Variants in AFF3 observed in about 807,000 individuals in gnomAD.
AFF3 encodes the protein AF4/FMR2 family member 3.
A neutral mutation model predicts 129.7 loss-of-function variants in AFF3; 32 were observed. The observed-to-expected ratio is 0.25, with a 90% CI of 0.19 to 0.33. The LOEUF (loss-of-function observed/expected upper bound fraction) is 0.33, where lower values mean the gene tolerates loss of function less well. Ranked by LOEUF, AFF3 falls within the 10% of genes least tolerant of loss-of-function variation. The probability of loss-of-function intolerance (pLI) is 1.00; values close to 1 mark genes in which losing one functional copy is unlikely to be tolerated. For missense variants in AFF3, 1,373 were observed against 1,592.0 expected (o/e 0.86, Z 2.34); for synonymous variants, 644 against 635.4 (o/e 1.01, Z -0.20).
intron 8 of AFF3, among the ~76,000 whole-genome samples, chr2:99,774,184 C>T (rs1461562418): frequency 1.3e-5 from 2 of 152,164 alleles, no homozygotes; most frequent in East Asian, 1.9e-4. Context: ...AGATTCAATG[C>T]TATTCCCATT....
intron 17 of AFF3, among the ~76,000 whole-genome samples, chr2:99,578,961 T>C (rs1342408017): frequency 3.9e-5 from 6 of 152,202 alleles, no homozygotes; most frequent in Non-Finnish European, 8.8e-5. Context: ...GTGATGCGGA[T>C]GCTGTAATCA....
At chr2:99,576,883 C>T (rs1677048070) in intron 18 of AFF3, among the ~76,000 whole-genome samples, 1 of 152,188 alleles carries the variant, frequency 6.6e-6, no homozygotes, top group African/African-American at 2.4e-5. Context: ...TAGTTGGCCA[C>T]CTGACTGTAC....
chr2:99,834,313 C>T (rs1688708950), intron 8 of AFF3, among the ~76,000 whole-genome samples: 2 of 152,220 alleles, frequency 1.3e-5, no homozygotes, highest in South Asian at 4.1e-4. Flanking sequence ...CTCTTCACTT[C>T]AGTTTCCTCA....
intron 8 of AFF3, among the ~76,000 whole-genome samples, chr2:99,764,139 C>T (rs1448925781): frequency 6.6e-6 from 1 of 152,210 alleles, no homozygotes; most frequent in Non-Finnish European, 1.5e-5. Context: ...CCACTTGCTC[C>T]TTGGTCTGTA....
intron 4 of AFF3, among the ~76,000 whole-genome samples, chr2:100,073,437 C>G (rs1340900705): frequency 6.6e-6 from 1 of 152,198 alleles, no homozygotes; most frequent in Non-Finnish European, 1.5e-5. Flanking sequence ...TCAGAGGGAA[C>G]CAGCCTTGCC....
At chr2:100,029,950 C>G (rs765064348) in intron 4 of AFF3, among the ~76,000 whole-genome samples, 14 of 151,872 alleles carry the variant, frequency 9.2e-5, no homozygotes, top group Non-Finnish European at 1.6e-4. Flanking sequence ...GCCTGTAGTC[C>G]CAGCTACTCA....
chr2:99,578,982 T>C (rs1677256492), intron 17 of AFF3, among the ~76,000 whole-genome samples: 1 of 152,232 alleles, frequency 6.6e-6, no homozygotes, highest in African/African-American at 2.4e-5. Flanking sequence ...CCCATGATCC[T>C]GGAACCACGC....
intron 8 of AFF3, among the ~76,000 whole-genome samples, chr2:99,792,810 A>G (rs1003816495): frequency 6.6e-6 from 1 of 152,194 alleles, no homozygotes; most frequent in Non-Finnish European, 1.5e-5. Flanking sequence ...CATTCCTGGA[A>G]TACTTTACTT....
intron 7 of AFF3, among the ~76,000 whole-genome samples, chr2:99,971,253 G>A (rs948355822): frequency 3.9e-5 from 6 of 152,042 alleles, no homozygotes; most frequent in Admixed American, 1.3e-4. Context: ...CCAGGTCTCC[G>A]TCCGCCAGGA....
intron 10 of AFF3, among the ~76,000 whole-genome samples, chr2:99,727,892 G>T (rs1449425306): frequency 6.6e-6 from 1 of 152,130 alleles, no homozygotes; most frequent in African/African-American, 2.4e-5. Context: ...GAACACTGAG[G>T]TTGCACTGTA....
chr2:99,649,886 C>T (rs1685074686), intron 12 of AFF3, among the ~76,000 whole-genome samples: 1 of 152,158 alleles, frequency 6.6e-6, no homozygotes, highest in Admixed American at 6.5e-5. Context: ...CGGCAATGCA[C>T]ACCTGCAACT....
intron 15 of AFF3, among the ~76,000 whole-genome samples, chr2:99,588,750 T>G (rs1420635843): frequency 6.6e-6 from 1 of 152,140 alleles, no homozygotes; most frequent in Non-Finnish European, 1.5e-5. Context: ...TTCTTAGTCC[T>G]TAGCTCCAGG....
At chr2:99,901,888 A>AAGAAAACCT (rs1467612273) in intron 7 of AFF3, among the ~76,000 whole-genome samples, 1 of 151,982 alleles carries the variant, frequency 6.6e-6, no homozygotes. Flanking sequence ...CACAGCTAAG[A>AAGAAAACCT]AGGCATTTCA....
Position 100,007,622 on chromosome 2 carries a change from G to A in AFF3, c.175-162C>T, listed in dbSNP as rs1370566137. The stretch of plus-strand genomic sequence containing the variant: ...TTATCGTCTCTGAAGATGTCTGTCA[G>A]CACTTGGTGATGCACCAGAACAGGA... On this transcript the variant is annotated intron_variant, in intron 5 of 24. Coordinates refer to ENST00000672756, the MANE Select transcript of AFF3 (RefSeq NM_001386135.1). 1.9e-5 allele frequency: 13 copies of A among 683,266 alleles called. 2 individuals carry two copies. Among genetic ancestry groups the A allele is most frequent in the South Asian group, 1.7e-4 (9 of 52,754 alleles). The allele number at this position is 683,266 out of a possible 1,614,324, so 42.3% of individuals were successfully genotyped here. A position where few individuals can be genotyped will look rare whatever the true frequency, so the allele number is the denominator to read the frequency against.
intron 12 of AFF3, among the ~76,000 whole-genome samples, chr2:99,663,762 G>A (rs919025958): frequency 5.3e-5 from 8 of 152,196 alleles, no homozygotes; most frequent in Non-Finnish European, 1.0e-4. Flanking sequence ...GGAAGCTGCA[G>A]GCATGTACAT....
intron 8 of AFF3, 62 bp from the exon 9 acceptor site, chr2:99,752,363 T>C: frequency 6.9e-7 from 1 of 1,448,322 alleles, no homozygotes; most frequent in Non-Finnish European, 9.6e-7. Context: ...ATCAGCGGTA[T>C]GTAAAGCAGC....
intron 22 of AFF3, among the ~76,000 whole-genome samples, chr2:99,557,020 A>G (rs1233327129): frequency 6.6e-6 from 1 of 152,190 alleles, no homozygotes; most frequent in Non-Finnish European, 1.5e-5. Flanking sequence ...ATAATGATAT[A>G]TAGTATACTT....
intron 4 of AFF3, among the ~76,000 whole-genome samples, chr2:100,014,783 C>CT (rs60456923): frequency 0.036 from 4,330 of 120,356 alleles, 333 homozygotes; most frequent in African/African-American, 0.12. Context: ...ACCTTGCTTC[C>CT]TTTTTTTTTT....
At chr2:99,810,596 T>C (rs1215617673) in intron 8 of AFF3, among the ~76,000 whole-genome samples, 2 of 152,250 alleles carry the variant, frequency 1.3e-5, no homozygotes, top group African/African-American at 2.4e-5. Flanking sequence ...CCTTTTAAAG[T>C]AGTATCTGAA....
Sources: gnomAD v4.1 joint callset for allele counts (sites outside exome capture counted in the v4.1 genomes callset) on GRCh38, gnomAD v4.1.1 for gene constraint, MANE v1.5 for transcripts, NCBI Gene and HGNC (gene_info 2026-07-23, HGNC 2026-07-21) for gene names.